Variants in ANKDD1A observed in about 807,000 individuals in gnomAD.
ANKDD1A encodes ankyrin repeat and death domain containing 1A.
Under a neutral mutation model 63.5 loss-of-function variants are expected in ANKDD1A, and 59 were observed. The observed-to-expected ratio is 0.93, with a 90% CI of 0.75 to 1.15. The LOEUF (loss-of-function observed/expected upper bound fraction) is 1.15. Ranked by LOEUF, ANKDD1A falls within the 50% of genes most tolerant of loss-of-function variation. ANKDD1A has a pLI of 0.00. For missense variants in ANKDD1A, 632 were observed against 656.4 expected (o/e 0.96, Z 0.41); for synonymous variants, 266 against 263.9 (o/e 1.01, Z -0.08).
intron 14 of ANKDD1A, among the ~76,000 whole-genome samples, chr15:64,953,854 C>CTCTT (rs1491210404): frequency 1.6e-4 from 14 of 89,494 alleles, no homozygotes; most frequent in Non-Finnish European, 4.6e-5. Context: ...TTCTTCTTTC[C>CTCTT]TCTTCTTCCT....
Position 64,943,478 on chromosome 15 carries a change from C to T in ANKDD1A, c.967-6C>T. On this transcript the variant is annotated splice_region_variant and splice_polypyrimidine_tract_variant and intron_variant, in intron 10 of 14. Coordinates refer to ENST00000319580, the MANE Select transcript of ANKDD1A (RefSeq NM_182703.6). Reference sequence around the variant, plus strand: ...CACTTACCTATTCCCTTGGCTTCTCCCCTAGAGGCAGCAGACGCCCCTTCA... The same window carrying T: ...CACTTACCTATTCCCTTGGCTTCTCTCCTAGAGGCAGCAGACGCCCCTTCA... 1 of 1,614,124 alleles carries T rather than the reference C, an allele frequency of 6.2e-7. No homozygotes were observed. Among genetic ancestry groups the T allele is most frequent in the African/African-American group, 1.3e-5 (1 of 75,028 alleles).
chr15:64,932,675 T>C (rs2085100859), intron 8 of ANKDD1A: 1 of 152,032 alleles, frequency 6.6e-6, no homozygotes, highest in African/African-American at 2.4e-5. Context: ...ATATTAATAA[T>C]AAATAATACA....
chr15:64,939,374 G>A (rs1441646779), intron 9 of ANKDD1A, among the ~76,000 whole-genome samples: 1 of 151,972 alleles, frequency 6.6e-6, no homozygotes, highest in Non-Finnish European at 1.5e-5. Flanking sequence ...TTGTAATTCC[G>A]GCACTTTGAG....
At chr15:64,943,435 C>A in intron 10 of ANKDD1A, 49 bp from the exon 11 acceptor site, 1 of 1,512,560 alleles carries the variant, frequency 6.6e-7, no homozygotes, top group Admixed American at 1.7e-5. Flanking sequence ...GGGTAGTGGG[C>A]CACCCCTACA....
At chr15:64,917,609 G>A in intron 3 of ANKDD1A, 95 bp downstream of exon 3, 1 of 1,481,032 alleles carries the variant, frequency 6.8e-7, no homozygotes, top group Non-Finnish European at 9.1e-7. Flanking sequence ...CTGCTAATAT[G>A]CAGACATTCA....
chr15:64,951,565 T>G (rs1174240748), intron 14 of ANKDD1A: 1 of 4,082 alleles, frequency 2.4e-4, no homozygotes, highest in African/African-American at 4.0e-4. Flanking sequence ...TTTCTTTTTC[T>G]TTTCTTTCTT....
At chr15:64,923,428 G>A (rs893001320) in intron 4 of ANKDD1A, among the ~76,000 whole-genome samples, 1 of 152,136 alleles carries the variant, frequency 6.6e-6, no homozygotes, top group Non-Finnish European at 1.5e-5. Context: ...GCAGCAATAG[G>A]AAACTAATAC....
chr15:64,917,484 G>A lies in ANKDD1A; in HGVS notation c.237G>A (p.Ala79=), dbSNP rs775286563. Residue 79 remains alanine, a synonymous_variant, in exon 3 of 15, where the codon GCG becomes GCA. Coordinates refer to ENST00000319580, the MANE Select transcript of ANKDD1A (RefSeq NM_182703.6). ...AGGCTGCTGTGGACGAGGAGGATGC[G>A]GTAGGGGCCCTCACAGAGGCACGTC... is the stretch of plus-strand genomic sequence containing the variant. ...EHEAAVDEED[A]VGALTEARLC... The A allele has an allele frequency of 6.3e-6, 10 of 1,593,026 alleles. No homozygotes were observed. The highest frequency in any genetic ancestry group is 1.8e-4 in the Middle Eastern group (1 of 5,678).
intron 3 of ANKDD1A, chr15:64,919,944 A>C (rs779800503): frequency 6.6e-6 from 1 of 152,072 alleles, no homozygotes; most frequent in South Asian, 2.1e-4. Context: ...AAGCAGTGCA[A>C]CTCTCTTTGG....
Position 64,942,554 on chromosome 15 carries a change from G to T in ANKDD1A, c.955G>T (p.Ala319Ser). The stretch of plus-strand genomic sequence containing the variant: ...CATCAACTCCGACAGTGACGTGAAT[G>T]CCGTGGACAATGTAAGTGGCTACAG... ...LLINSDSDVN[A>S]VDNRQQTPLH... The change falls in exon 10 of 15, where the codon GCC (alanine) becomes TCC (serine). Residue 319 changes from alanine (A) to serine (S), a missense_variant. Transcript: ENST00000319580. 6.2e-7 allele frequency: 1 copy of T among 1,613,520 alleles called. No individual in the cohort carries two copies. The highest frequency in any genetic ancestry group is 8.5e-7 in the Non-Finnish European group (1 of 1,179,740).
chr15:64,954,612 CCTT>C (rs1488714706), intron 14 of ANKDD1A, among the ~76,000 whole-genome samples: 8 of 137,000 alleles, frequency 5.8e-5, no homozygotes, highest in Admixed American at 7.8e-5. Context: ...TCTTCCTCCT[CCTT>C]CCTCTTTTCT....
chr15:64,952,891 TCCTTCTCCTTCCTTCTC>T (rs2085324266), intron 14 of ANKDD1A, among the ~76,000 whole-genome samples: 6 of 144,254 alleles, frequency 4.2e-5, no homozygotes, highest in Non-Finnish European at 9.2e-5. Context: ...TTCTCCTTCT[TCCTTCTCCTTCCTTCTC>T]TTCTTCTCCT....
intron 9 of ANKDD1A, among the ~76,000 whole-genome samples, chr15:64,939,960 A>T (rs1021095530): frequency 1.3e-5 from 2 of 152,162 alleles, no homozygotes; most frequent in Non-Finnish European, 2.9e-5. Flanking sequence ...GACACCAGAA[A>T]CATGATCCAT....
At chr15:64,950,206 T>A (rs2085258671) in intron 14 of ANKDD1A, 1 of 985,280 alleles carries the variant, frequency 1.0e-6, no homozygotes, top group South Asian at 4.7e-5. Context: ...CCTGTGACCT[T>A]CACAGCCCCG....
intron 14 of ANKDD1A, among the ~76,000 whole-genome samples, chr15:64,951,732 TTCC>T (rs1475172881): frequency 9.1e-5 from 4 of 43,784 alleles, no homozygotes; most frequent in African/African-American, 3.2e-4. Flanking sequence ...CTTTTCTTCT[TTCC>T]TCCTTCTTCC....
At chr15:64,947,185 G>A (rs142032014) in intron 12 of ANKDD1A, among the ~76,000 whole-genome samples, 5 of 152,246 alleles carry the variant, frequency 3.3e-5, no homozygotes, top group East Asian at 3.9e-4. Flanking sequence ...GAGGAATTCC[G>A]GGTGGAAGAA....
rs1049238875 is a variant in ANKDD1A, at chr15:64,933,364, A to G, written c.769-772A>G. Among the ~76,000 whole-genome samples the G allele has an allele frequency of 1.2e-4, 18 of 152,200 alleles. 1 individual carries two copies. The highest frequency in any genetic ancestry group is 3.9e-4 in the African/African-American group (16 of 41,454). On this transcript the variant is annotated intron_variant, in intron 8 of 14. Transcript: ENST00000319580. ...GGCCTGCCTGGTGTGTGCCTTGTGC[A>G]AGGTGATCACTGGGCCAGGTTGGGC...
rs1566916901 is a variant in ANKDD1A, at chr15:64,952,662, C to CTTCTCCTCCTCCTTCTTCTT, written c.1483+2690_1483+2691insTTCTCCTCCTCCTTCTTCTT. 2.3e-4 allele frequency among the ~76,000 whole-genome samples: 20 copies of CTTCTCCTCCTCCTTCTTCTT among 86,264 alleles called. No individual in the cohort carries two copies. In the Admixed American group the frequency reaches 2.9e-3, roughly 12 times the overall value. The allele number at this position is 86,264 out of a possible 152,430, so 56.6% of individuals were successfully genotyped here. Reference sequence around the variant, plus strand: ...CTTCTTCTCCTTCTCCTTCTTCTTCCCCTTCTTCCTTCTTCTTCTTCCTCT... The same window carrying CTTCTCCTCCTCCTTCTTCTT: ...CTTCTTCTCCTTCTCCTTCTTCTTCCTTCTCCTCCTCCTTCTTCTTCCTTCTTCCTTCTTCTTCTTCCTCT... On this transcript the variant is annotated intron_variant, in intron 14 of 14. Coordinates refer to ENST00000319580, the MANE Select transcript of ANKDD1A (RefSeq NM_182703.6).
At chr15:64,922,329 G>A in intron 4 of ANKDD1A, 1 of 346,974 alleles carries the variant, frequency 2.9e-6, no homozygotes, top group Non-Finnish European at 5.4e-6. Context: ...TGCACCCCTT[G>A]TGCTCAGTGC....
Sources: allele counts gnomAD v4.1 joint callset (sites outside exome capture counted in the v4.1 genomes callset), GRCh38; gene constraint gnomAD v4.1.1; transcripts MANE v1.5; gene names NCBI Gene and HGNC (gene_info 2026-07-23, HGNC 2026-07-21).